Variants in GABRB1 observed in about 807,000 individuals in gnomAD.
The protein encoded by GABRB1 is gamma-aminobutyric acid type A receptor subunit beta1.
A neutral mutation model predicts 51.6 loss-of-function variants in GABRB1; 17 were observed. The observed-to-expected ratio is 0.33, with a 90% CI of 0.23 to 0.49. The LOEUF is 0.49. GABRB1 is among the 20% of genes least tolerant of loss of function. GABRB1 has a pLI of 0.99. For missense variants in GABRB1, 410 were observed against 600.6 expected (o/e 0.68, Z 3.32); for synonymous variants, 247 against 218.9 (o/e 1.13, Z -1.14).
At chr4:47,330,760 C>T (rs1158350950) in intron 5 of GABRB1, among the ~76,000 whole-genome samples, 2 of 151,996 alleles carry the variant, frequency 1.3e-5, no homozygotes, top group South Asian at 2.1e-4. Flanking sequence ...GCTTTCTGTG[C>T]CTATCTCAAA....
At chr4:47,389,737 ACT>A (rs1727921975) in intron 5 of GABRB1, among the ~76,000 whole-genome samples, 1 of 152,164 alleles carries the variant, frequency 6.6e-6, no homozygotes, top group South Asian at 2.1e-4. Flanking sequence ...AACCCAGTTG[ACT>A]CTCTTATCTG....
At chr4:47,007,895 A>ATATATATATATATATAG (rs375965914) in intron 1 of GABRB1, among the ~76,000 whole-genome samples, 9 of 17,524 alleles carry the variant, frequency 5.1e-4, no homozygotes, top group Non-Finnish European at 1.4e-3. Flanking sequence ...TATATATATA[A>ATATATATATATATATAG]AATCAAGTTT....
intron 4 of GABRB1, among the ~76,000 whole-genome samples, chr4:47,180,829 T>C (rs2109769390): frequency 6.6e-6 from 1 of 152,188 alleles, no homozygotes; most frequent in South Asian, 2.1e-4. Context: ...GGTGGTAGAA[T>C]TCTACTTTCT....
intron 4 of GABRB1, among the ~76,000 whole-genome samples, chr4:47,193,792 G>A (rs2109786749): frequency 6.6e-6 from 1 of 152,208 alleles, no homozygotes; most frequent in South Asian, 2.1e-4. Flanking sequence ...TGGATTTAAA[G>A]GTAAATTAAC....
chr4:47,179,124 C>A (rs1018662336), intron 4 of GABRB1, among the ~76,000 whole-genome samples: 8 of 152,020 alleles, frequency 5.3e-5, no homozygotes, highest in African/African-American at 1.7e-4. Context: ...TAGCCCCTCA[C>A]CCCCTGACAG....
chr4:47,209,888 T>C (rs1408676887), intron 4 of GABRB1, among the ~76,000 whole-genome samples: 1 of 151,986 alleles, frequency 6.6e-6, no homozygotes, highest in African/African-American at 2.4e-5. Flanking sequence ...GTTTTCCCTA[T>C]ACCCTTTGTA....
At chr4:47,158,063 A>G (rs990821708) in intron 3 of GABRB1, among the ~76,000 whole-genome samples, 9 of 152,112 alleles carry the variant, frequency 5.9e-5, no homozygotes, top group Admixed American at 4.6e-4. Flanking sequence ...ACCACATGGC[A>G]TGTAGCTCTT....
intron 3 of GABRB1, among the ~76,000 whole-genome samples, chr4:47,159,439 A>G (rs2109734133): frequency 6.6e-6 from 1 of 152,148 alleles, no homozygotes; most frequent in African/African-American, 2.4e-5. Flanking sequence ...AAAAAGTCAC[A>G]ATGTTAAGAA....
chr4:47,113,569 G>C lies in GABRB1; in HGVS notation c.241-47680G>C, dbSNP rs1715330548. 2.0e-5 allele frequency among the ~76,000 whole-genome samples: 3 copies of C among 152,240 alleles called. No individual in the cohort carries two copies. The South Asian group carries it at 6.2e-4, about 32-fold the overall frequency. On this transcript the variant is annotated intron_variant, in intron 3 of 8. Coordinates refer to ENST00000295454, the MANE Select transcript of GABRB1 (RefSeq NM_000812.4). Reference sequence around the variant, plus strand: ...AAAAGAAACCTTCACAAAAGTGGTGGCTTTCAAGCCAACTTTGAAGGATGG... The same window carrying C: ...AAAAGAAACCTTCACAAAAGTGGTGCCTTTCAAGCCAACTTTGAAGGATGG...
chr4:47,281,557 G>A (rs974919691), intron 4 of GABRB1, among the ~76,000 whole-genome samples: 4 of 151,924 alleles, frequency 2.6e-5, no homozygotes, highest in Admixed American at 6.6e-5. Context: ...TATATCCAAA[G>A]GACTTTAAAT....
At chr4:47,133,517 T>C (rs1716512449) in intron 3 of GABRB1, among the ~76,000 whole-genome samples, 1 of 152,206 alleles carries the variant, frequency 6.6e-6, no homozygotes, top group Admixed American at 6.5e-5. Context: ...TATTATTTAA[T>C]TCAGTATCTA....
At chr4:47,352,847 G>T (rs1202946701) in intron 5 of GABRB1, among the ~76,000 whole-genome samples, 2 of 152,154 alleles carry the variant, frequency 1.3e-5, no homozygotes, top group African/African-American at 4.8e-5. Context: ...GATGTTCAGA[G>T]ATCTTTCCCA....
intron 4 of GABRB1, among the ~76,000 whole-genome samples, chr4:47,241,364 C>T (rs1721512561): frequency 6.6e-6 from 1 of 152,060 alleles, no homozygotes; most frequent in Non-Finnish European, 1.5e-5. Context: ...CAATTTAAGT[C>T]ATTATTGTGT....
At chr4:47,236,639 T>C (rs901292174) in intron 4 of GABRB1, among the ~76,000 whole-genome samples, 2 of 152,174 alleles carry the variant, frequency 1.3e-5, no homozygotes, top group Non-Finnish European at 1.5e-5. Flanking sequence ...TCTATACGTT[T>C]ATTGTGAGAG....
At position 47,425,648 on chromosome 4, in the gene GABRB1, T is replaced by C. The variant is rs779235635; in HGVS notation, c.1081-26T>C. 5 of 1,548,580 alleles carry C rather than the reference T, an allele frequency of 3.2e-6. No homozygotes were observed. In the South Asian group the frequency reaches 6.1e-5, roughly 19 times the overall value. On this transcript the variant is annotated intron_variant, in intron 8 of 8. Transcript: ENST00000295454. ...ACAGGCAAAGGTCCTGCAACTTGTG[T>C]CCGAGCCTGTTCTTTTTGCCATCAG...
At chr4:47,060,187 C>T (rs1259190141) in intron 3 of GABRB1, among the ~76,000 whole-genome samples, 1 of 152,074 alleles carries the variant, frequency 6.6e-6, no homozygotes, top group Non-Finnish European at 1.5e-5. Flanking sequence ...AGATGATCTC[C>T]AATAGTGAAC....
chr4:47,394,473 C>CATTTA (rs1553881662), intron 5 of GABRB1, among the ~76,000 whole-genome samples: 1 of 152,118 alleles, frequency 6.6e-6, no homozygotes, highest in Non-Finnish European at 1.5e-5. Context: ...AAGTGTGAGG[C>CATTTA]ACGAGAACCT....
chr4:47,156,985 T>G (rs1422548572), intron 3 of GABRB1, among the ~76,000 whole-genome samples: 2 of 151,902 alleles, frequency 1.3e-5, no homozygotes, highest in South Asian at 4.2e-4. Flanking sequence ...AAAAATAAAT[T>G]TTTTAAAATG....
chr4:47,095,467 A>G (rs1714374480), intron 3 of GABRB1, among the ~76,000 whole-genome samples: 1 of 152,194 alleles, frequency 6.6e-6, no homozygotes, highest in Non-Finnish European at 1.5e-5. Flanking sequence ...GTGTATGTGT[A>G]GGAACTTACC....
Sources: gnomAD v4.1 joint callset for allele counts (sites outside exome capture counted in the v4.1 genomes callset) on GRCh38, gnomAD v4.1.1 for gene constraint, MANE v1.5 for transcripts, NCBI Gene and HGNC (gene_info 2026-07-23, HGNC 2026-07-21) for gene names.